The following TBC1D22A variants were observed in gnomAD, a reference collection of about 807,000 sequenced individuals.
TBC1D22A encodes the protein putative GTPase activator.
TBC1D22A carries 38 observed loss-of-function variants against 60.2 expected under a neutral mutation model. The ratio of observed to expected loss-of-function variants is 0.63; its 90% CI spans 0.49 to 0.83. The LOEUF is 0.83. Ranked by LOEUF, TBC1D22A falls within the 40% of genes least tolerant of loss-of-function variation. The pLI, the probability that TBC1D22A is intolerant of heterozygous loss-of-function variation, is 0.00. For missense variants in TBC1D22A, 628 were observed against 701.0 expected, an observed-to-expected ratio of 0.90 and a Z score of 1.18; for synonymous variants, 302 against 281.7, an observed-to-expected ratio of 1.07 and a Z score of -0.72.
rs192293582 is a variant in TBC1D22A at position 47,004,339 on chromosome 22, G to A, written c.1201+6630G>A. On this transcript the variant is annotated intron_variant, in intron 10 of 12. Transcript: ENST00000337137. ...CATACACACACCCCTATATACATGC[G>A]TCTGCCACATACACATATACATACA... Among the ~76,000 whole-genome samples the A allele has an allele frequency of 3.0e-3, 393 of 132,988 alleles. 2 individuals carry two copies. Among genetic ancestry groups the A allele is most frequent in the African/African-American group, 0.011 (373 of 34,080 alleles). The allele number at this position is 132,988 out of a possible 152,430, so 87.2% of individuals were successfully genotyped here. A position where few individuals can be genotyped will look rare whatever the true frequency, so the allele number is the denominator to read the frequency against.
At chr22:47,041,690 A>G (rs1262320575) in intron 11 of TBC1D22A, among the ~76,000 whole-genome samples, 6 of 152,280 alleles carry the variant, frequency 3.9e-5, no homozygotes, top group South Asian at 4.1e-4. Context: ...CGAGTTTCCG[A>G]TCCTTGCCTC....
chr22:47,039,783 T>G (rs1231794217), intron 11 of TBC1D22A, among the ~76,000 whole-genome samples: 2 of 150,374 alleles, frequency 1.3e-5, no homozygotes, highest in African/African-American at 2.4e-5. Context: ...GGCACATGGT[T>G]CCAAAGAGGC....
intron 11 of TBC1D22A, among the ~76,000 whole-genome samples, chr22:47,064,606 G>C (rs1435501275): frequency 6.6e-6 from 1 of 152,218 alleles, no homozygotes; most frequent in Non-Finnish European, 1.5e-5. Context: ...GCCGTGCTCA[G>C]CACTGCCCCC....
chr22:46,946,886 G>T (rs1402929526), intron 8 of TBC1D22A, among the ~76,000 whole-genome samples: 1 of 152,112 alleles, frequency 6.6e-6, no homozygotes, highest in Non-Finnish European at 1.5e-5. Flanking sequence ...TTGTATGTTG[G>T]CATTTTATGT....
chr22:46,930,257 T>A (rs1487549374), intron 8 of TBC1D22A, among the ~76,000 whole-genome samples: 1 of 152,180 alleles, frequency 6.6e-6, no homozygotes, highest in Admixed American at 6.5e-5. Flanking sequence ...GCATTTTGTA[T>A]ATTGTATTAT....
intron 8 of TBC1D22A, among the ~76,000 whole-genome samples, chr22:46,956,837 C>T (rs905183830): frequency 1.3e-5 from 2 of 152,250 alleles, no homozygotes; most frequent in African/African-American, 4.8e-5. Context: ...GATTCTAAAC[C>T]AGCACAGACT....
At chr22:47,031,513 C>T (rs772037271) in intron 10 of TBC1D22A, among the ~76,000 whole-genome samples, 1 of 152,162 alleles carries the variant, frequency 6.6e-6, no homozygotes, top group Non-Finnish European at 1.5e-5. Flanking sequence ...TCCTTGTGAC[C>T]GGGTGCTCTT....
chr22:47,036,962 G>C, intron 10 of TBC1D22A, 109 bp from the exon 11 acceptor site: 1 of 1,341,592 alleles, frequency 7.5e-7, no homozygotes. Context: ...TTCCCTGTTG[G>C]AGTGGGGTTC....
intron 9 of TBC1D22A, among the ~76,000 whole-genome samples, chr22:46,974,721 G>GTT (rs1414492353): frequency 3.3e-5 from 5 of 152,226 alleles, no homozygotes; most frequent in Non-Finnish European, 7.3e-5. Flanking sequence ...CTATGTGTGT[G>GTT]TGGCTAGCTG....
chr22:47,158,837 GC>G (rs2147196180), intron 12 of TBC1D22A, among the ~76,000 whole-genome samples: 1 of 152,186 alleles, frequency 6.6e-6, no homozygotes, highest in South Asian at 2.1e-4. Flanking sequence ...GGCAGGACCT[GC>G]GTCCAGAAAG....
At chr22:47,066,386 G>A (rs2063774499) in intron 11 of TBC1D22A, among the ~76,000 whole-genome samples, 1 of 152,142 alleles carries the variant, frequency 6.6e-6, no homozygotes, top group South Asian at 2.1e-4. Flanking sequence ...GAGGGCACAT[G>A]AGGGGATGCT....
At chr22:46,847,249 T>G (rs1468803892) in intron 4 of TBC1D22A, among the ~76,000 whole-genome samples, 3 of 152,172 alleles carry the variant, frequency 2.0e-5, no homozygotes, top group African/African-American at 7.2e-5. Context: ...GTAGAAGAGA[T>G]TGCCACCATG....
chr22:46,853,704 A>C (rs1984407), intron 4 of TBC1D22A, among the ~76,000 whole-genome samples: 44,471 of 152,104 alleles, frequency 0.29, 6,663 homozygotes, highest in African/African-American at 0.37. Context: ...TAATTAATTC[A>C]GTTTTATAGA....
chr22:46,983,668 T>A (rs577981876), intron 9 of TBC1D22A, among the ~76,000 whole-genome samples: 4 of 151,276 alleles, frequency 2.6e-5, no homozygotes, highest in Non-Finnish European at 4.4e-5. Context: ...GCTGGCAGAG[T>A]AGCTGGTGCC....
At chr22:47,019,626 T>C (rs1192540384) in intron 10 of TBC1D22A, among the ~76,000 whole-genome samples, 1 of 151,660 alleles carries the variant, frequency 6.6e-6, no homozygotes, top group African/African-American at 2.4e-5. Context: ...GGGGTAGTGA[T>C]ATGGGGCATG....
chr22:46,933,973 TC>T (rs759838025), intron 8 of TBC1D22A, among the ~76,000 whole-genome samples: 3 of 152,194 alleles, frequency 2.0e-5, no homozygotes, highest in Non-Finnish European at 4.4e-5. Flanking sequence ...AAAGCTGGAC[TC>T]CCACTTTGTG....
intron 12 of TBC1D22A, among the ~76,000 whole-genome samples, chr22:47,143,367 A>C (rs1001140522): frequency 1.3e-5 from 2 of 152,212 alleles, no homozygotes; most frequent in Non-Finnish European, 2.9e-5. Flanking sequence ...AAAACAAAGA[A>C]AAGGTGTCCC....
intron 8 of TBC1D22A, among the ~76,000 whole-genome samples, chr22:46,923,246 C>T (rs1175373305): frequency 6.6e-6 from 1 of 152,222 alleles, no homozygotes; most frequent in Admixed American, 6.5e-5. Flanking sequence ...CACTGTGCAG[C>T]CTCCCCTTTG....
chr22:47,086,492 G>T (rs1034074671), intron 11 of TBC1D22A, among the ~76,000 whole-genome samples: 1 of 151,972 alleles, frequency 6.6e-6, no homozygotes, highest in African/African-American at 2.4e-5. Context: ...AAAACAAACC[G>T]TAGCCTTAAT....
Sources: allele counts gnomAD v4.1 joint callset (sites outside exome capture counted in the v4.1 genomes callset), GRCh38; gene constraint gnomAD v4.1.1; transcripts MANE v1.5; gene names NCBI Gene and HGNC (gene_info 2026-07-23, HGNC 2026-07-21).